The following RSPO2 variants were observed in gnomAD, a reference collection of about 807,000 sequenced individuals.
The protein encoded by RSPO2 is R-spondin-2.
In RSPO2, 14 loss-of-function variants were observed where a neutral mutation model predicts 30.9. The ratio of observed to expected loss-of-function variants is 0.45; its 90% CI spans 0.30 to 0.71. The LOEUF (loss-of-function observed/expected upper bound fraction) is 0.71, where lower values mean the gene tolerates loss of function less well. Ranked by LOEUF, RSPO2 falls within the 30% of genes least tolerant of loss-of-function variation. The pLI is 0.08. For synonymous variants in RSPO2, 107 were observed against 96.4 expected (o/e 1.11, Z -0.64); for missense variants, 264 against 301.9 (o/e 0.87, Z 0.93).
chr8:107,901,290 A>G lies in RSPO2; in HGVS notation c.617-100T>C, dbSNP rs547901450. ...GAGTTTTGCACAAAGCCCATCTGGA[A>G]AACATCACCTATGGAAAAAGCCTCA... On this transcript the variant is annotated intron_variant, in intron 5 of 5. Coordinates refer to ENST00000276659, the MANE Select transcript of RSPO2 (RefSeq NM_178565.5). 592 of 1,307,148 alleles carry G rather than the reference A, an allele frequency of 4.5e-4. 2 individuals are homozygous for G. Among genetic ancestry groups the G allele is most frequent in the South Asian group, 1.2e-3 (78 of 66,338 alleles). The allele number at this position is 1,307,148 out of a possible 1,614,324, so 81.0% of individuals were successfully genotyped here.
chr8:107,957,855 T>TCC (rs938223309), intron 5 of RSPO2, among the ~76,000 whole-genome samples: 2 of 152,214 alleles, frequency 1.3e-5, no homozygotes, highest in African/African-American at 4.8e-5. Context: ...TAAGGTACTC[T>TCC]CCTAAGTTAT....
At chr8:107,922,918 TA>T (rs1318211925) in intron 5 of RSPO2, among the ~76,000 whole-genome samples, 1 of 151,910 alleles carries the variant, frequency 6.6e-6, no homozygotes, top group Non-Finnish European at 1.5e-5. Flanking sequence ...TTACAGCATA[TA>T]AAAAATCAAC....
intron 2 of RSPO2, among the ~76,000 whole-genome samples, chr8:108,006,299 T>C (rs1815449336): frequency 6.6e-6 from 1 of 152,092 alleles, no homozygotes; most frequent in South Asian, 2.1e-4. Flanking sequence ...CAAAAGGATA[T>C]ATTCAGGGGA....
chr8:107,977,006 G>C (rs1330349965), intron 3 of RSPO2, among the ~76,000 whole-genome samples: 1 of 152,190 alleles, frequency 6.6e-6, no homozygotes, highest in Non-Finnish European at 1.5e-5. Context: ...GTATGAGAAA[G>C]TGTGGGAGGC....
chr8:107,918,072 C>T (rs975025164), intron 5 of RSPO2, among the ~76,000 whole-genome samples: 2 of 152,112 alleles, frequency 1.3e-5, no homozygotes, highest in African/African-American at 2.4e-5. Flanking sequence ...AAATATCAAG[C>T]ATAACAGGAG....
chr8:107,999,984 A>G (rs1218701779), intron 2 of RSPO2, among the ~76,000 whole-genome samples: 1 of 152,200 alleles, frequency 6.6e-6, no homozygotes, highest in African/African-American at 2.4e-5. Context: ...TGTATTTAAC[A>G]CAGCACAAAA....
At chr8:107,996,327 G>A (rs999378653) in intron 2 of RSPO2, among the ~76,000 whole-genome samples, 1 of 152,128 alleles carries the variant, frequency 6.6e-6, no homozygotes, top group East Asian at 1.9e-4. Context: ...TCACGAAAAA[G>A]CCACCCCTTT....
At chr8:108,033,052 A>G (rs35485636) in intron 2 of RSPO2, among the ~76,000 whole-genome samples, 24,299 of 92,194 alleles carry the variant, frequency 0.26, 2,033 homozygotes, top group South Asian at 0.33. Context: ...TCTGTCTCAA[A>G]AAAAAAAAAA....
chr8:107,998,784 C>T (rs1450593024), intron 2 of RSPO2, among the ~76,000 whole-genome samples: 5 of 152,084 alleles, frequency 3.3e-5, no homozygotes, highest in African/African-American at 9.7e-5. Context: ...TGGTGGCTCA[C>T]GTCTGTAATC....
At position 108,082,467 on chromosome 8, in the gene RSPO2, C is replaced by G. The variant is rs1408398587; in HGVS notation, c.94+78G>C. Reference sequence around the variant, plus strand: ...GCACAGCCCTGACCATCTGAGCCCCCGGAGCCAGGGCGTGAGTGAGCGCCT... The same window carrying G: ...GCACAGCCCTGACCATCTGAGCCCCGGGAGCCAGGGCGTGAGTGAGCGCCT... On this transcript the variant is annotated intron_variant, in intron 2 of 5. Transcript: ENST00000276659. 4.4e-6 allele frequency: 5 copies of G among 1,127,300 alleles called. No individual in the cohort carries two copies. The Admixed American group carries it at 9.0e-5, about 20-fold the overall frequency. The allele number at this position is 1,127,300 out of a possible 1,614,324, so 69.8% of individuals were successfully genotyped here.
intron 5 of RSPO2, among the ~76,000 whole-genome samples, chr8:107,921,283 C>CACACAG (rs1812160991): frequency 3.6e-5 from 1 of 27,440 alleles, no homozygotes; most frequent in African/African-American, 5.7e-5. Context: ...ATTTTACACA[C>CACACAG]ACACACACAC....
chr8:107,966,903 A>AACAC (rs1813825761), intron 3 of RSPO2, among the ~76,000 whole-genome samples: 1 of 152,194 alleles, frequency 6.6e-6, no homozygotes, highest in East Asian at 1.9e-4. Flanking sequence ...AGGAACCTCA[A>AACAC]ACACCCCTGG....
chr8:108,028,028 C>CA (rs1384193232), intron 2 of RSPO2, among the ~76,000 whole-genome samples: 1 of 152,100 alleles, frequency 6.6e-6, no homozygotes, highest in Non-Finnish European at 1.5e-5. Flanking sequence ...CATATTCTAC[C>CA]ACTCAACGAA....
intron 2 of RSPO2, among the ~76,000 whole-genome samples, chr8:107,998,658 G>T (rs911869883): frequency 6.6e-6 from 1 of 151,872 alleles, no homozygotes; most frequent in Non-Finnish European, 1.5e-5. Context: ...TATTTAGAAG[G>T]GCTATATTAA....
At chr8:107,975,735 C>T (rs903755754) in intron 3 of RSPO2, among the ~76,000 whole-genome samples, 2 of 152,138 alleles carry the variant, frequency 1.3e-5, no homozygotes, top group East Asian at 1.9e-4. Flanking sequence ...GGTGAGGTCA[C>T]ATTTTTTATA....
At chr8:108,049,343 T>C (rs1812007458) in intron 2 of RSPO2, among the ~76,000 whole-genome samples, 1 of 152,114 alleles carries the variant, frequency 6.6e-6, no homozygotes, top group Non-Finnish European at 1.5e-5. Context: ...GACCCTTGTT[T>C]TTTGGCTGGG....
chr8:108,048,313 T>C lies in RSPO2; in HGVS notation c.94+34232A>G, dbSNP rs961367612. Among the ~76,000 whole-genome samples, 5 of 151,956 alleles carry C rather than the reference T, an allele frequency of 3.3e-5. No individual in the cohort carries two copies. The South Asian group carries it at 1.0e-3, about 32-fold the overall frequency. ...GACAAGGGGGAGTGGAGCTAAGCTG[T>C]CAACCTCTACTGCCCTTTGCATCCC... On this transcript the variant is annotated intron_variant, in intron 2 of 5. Coordinates refer to ENST00000276659, the MANE Select transcript of RSPO2 (RefSeq NM_178565.5).
intron 2 of RSPO2, among the ~76,000 whole-genome samples, chr8:108,044,023 C>G (rs1332011939): frequency 2.6e-5 from 4 of 151,772 alleles, no homozygotes; most frequent in Non-Finnish European, 5.9e-5. Context: ...GCCTGATACC[C>G]AGTAGGGTCT....
At chr8:108,050,068 C>G (rs1037042866) in intron 2 of RSPO2, among the ~76,000 whole-genome samples, 2 of 152,086 alleles carry the variant, frequency 1.3e-5, no homozygotes, top group African/African-American at 4.8e-5. Flanking sequence ...GTATATAATT[C>G]CATAATCTCA....
Sources: gnomAD v4.1 joint callset for allele counts (sites outside exome capture counted in the v4.1 genomes callset) on GRCh38, gnomAD v4.1.1 for gene constraint, MANE v1.5 for transcripts, NCBI Gene and HGNC (gene_info 2026-07-23, HGNC 2026-07-21) for gene names.